The following C8orf74 variants were observed in gnomAD, a reference collection of about 807,000 sequenced individuals.
C8orf74 encodes chromosome 8 open reading frame 74.
Under a neutral mutation model 22.2 loss-of-function variants are expected in C8orf74, and 29 were observed. That is an observed-to-expected ratio of 1.31 (90% CI 0.97 to 1.78). C8orf74 has a LOEUF of 1.78. Among genes scored for constraint, C8orf74 ranks in the 40% most tolerant of loss-of-function variants. C8orf74 has a pLI of 0.00. For missense variants in C8orf74, 515 were observed against 369.9 expected (o/e 1.39, Z -3.22); for synonymous variants, 255 against 163.1 (o/e 1.56, Z -4.30).
intron 2 of C8orf74, chr8:10,675,842 C>A (rs1799021333): frequency 6.6e-6 from 1 of 152,226 alleles, no homozygotes; most frequent in South Asian, 2.1e-4. Flanking sequence ...CCAGCAAAGA[C>A]TGATAAACCT....
intron 3 of C8orf74, among the ~76,000 whole-genome samples, chr8:10,699,962 C>A (rs1316188038): frequency 6.6e-6 from 1 of 152,230 alleles, no homozygotes; most frequent in Admixed American, 6.5e-5. Context: ...TAGGCAAGGG[C>A]TGAGGGACAG....
chr8:10,694,098 G>C (rs1216261369), intron 2 of C8orf74, among the ~76,000 whole-genome samples: 2 of 152,154 alleles, frequency 1.3e-5, no homozygotes, highest in African/African-American at 2.4e-5. Context: ...TTCTCTAAGA[G>C]GACCCGGTCC....
Position 10,697,853 on chromosome 8 carries a change from C to G in C8orf74, c.496C>G (p.Gln166Glu). ...GMDRDLWIHE[Q>E]QVATLTEAEA... ...GGACAGGGACTTGTGGATCCACGAG[C>G]AGCAGGTGGCCACACTGACGGAGGC... Residue 166 changes from glutamine (Q) to glutamate (E), a missense_variant, in exon 3 of 4, where the codon CAG (glutamine) becomes GAG (glutamate). Physicochemically the swap from Gln to Glu is conservative, Grantham distance 29 (BLOSUM62 2). Coordinates refer to ENST00000304519, the MANE Select transcript of C8orf74 (RefSeq NM_001040032.2). 6.2e-7 allele frequency: 1 copy of G among 1,613,564 alleles called. No individual in the cohort carries two copies. Among genetic ancestry groups the G allele is most frequent in the Non-Finnish European group, 8.5e-7 (1 of 1,179,686 alleles).
chr8:10,693,880 C>A (rs1799435266), intron 2 of C8orf74, among the ~76,000 whole-genome samples: 1 of 152,240 alleles, frequency 6.6e-6, no homozygotes. Flanking sequence ...CCATCCAAGG[C>A]CCTTGGGTCT....
intron 3 of C8orf74, 27 bp downstream of exon 3, chr8:10,698,032 T>G (rs1586055409): frequency 6.9e-7 from 1 of 1,444,324 alleles, no homozygotes; most frequent in Non-Finnish European, 9.1e-7. Flanking sequence ...CTGCCGTGGG[T>G]GGGCACCTGG....
Position 10,674,687 on chromosome 8 carries a change from G to C in C8orf74, c.90G>C (p.Trp30Cys). The change falls in exon 2 of 4, where the codon TGG becomes TGC. Residue 30 changes from tryptophan to cysteine, a missense_variant. Trp to Cys is a radical substitution (Grantham distance 215, BLOSUM62 -2). Coordinates refer to ENST00000304519, the MANE Select transcript of C8orf74 (RefSeq NM_001040032.2). ...AGCGCCTGCGGAGGCTTCTGAACTG[G>C]GAGGAGTTTGACGAACAGAGAGACT... ...GRERLRRLLN[W>C]EEFDEQRDSR... The C allele has an allele frequency of 6.2e-7, 1 of 1,610,452 alleles. No individual in the cohort carries two copies. The highest frequency in any genetic ancestry group is 8.5e-7 in the Non-Finnish European group (1 of 1,178,438).
intron 2 of C8orf74, among the ~76,000 whole-genome samples, chr8:10,696,636 CG>C (rs1409008537): frequency 2.0e-5 from 3 of 151,684 alleles, no homozygotes; most frequent in African/African-American, 7.3e-5. Flanking sequence ...CTAGTAGAGA[CG>C]GGGTTTTGCC....
In C8orf74 at chr8:10,672,641, C is replaced by T. The variant is rs1372478915; in HGVS notation, c.-25C>T. On this transcript the variant is annotated 5_prime_UTR_variant, in exon 1 of 4. Transcript: ENST00000304519. The stretch of plus-strand genomic sequence containing the variant: ...AAACTCTGAGTCAGTCTGGCTCCGT[C>T]TCCTGGCAACCAGATGCAGGGGCCA... The T allele has an allele frequency of 3.8e-6, 6 of 1,558,658 alleles. No homozygotes were observed. In the African/African-American group the frequency reaches 8.2e-5, roughly 21 times the overall value.
At chr8:10,673,690 A>C (rs1798963980) in intron 1 of C8orf74, 1 of 153,952 alleles carries the variant, frequency 6.5e-6, no homozygotes, top group Non-Finnish European at 1.5e-5. Context: ...AAAGTCCTAG[A>C]AGAAGAGCAA....
chr8:10,683,987 C>T (rs1799209187), intron 2 of C8orf74, among the ~76,000 whole-genome samples: 1 of 152,190 alleles, frequency 6.6e-6, no homozygotes, highest in African/African-American at 2.4e-5. Context: ...TCCCTGCGTG[C>T]TAAGGAGCCG....
At chr8:10,698,589 G>C (rs1307642325) in intron 3 of C8orf74, among the ~76,000 whole-genome samples, 1 of 152,112 alleles carries the variant, frequency 6.6e-6, no homozygotes, top group Admixed American at 6.6e-5. Flanking sequence ...CTAGCTGCCA[G>C]CATTTCCCAT....
At position 10,674,703 on chromosome 8, in the gene C8orf74, CAG is replaced by C. The variant is rs777483309; in HGVS notation, c.112_113del (p.Asp38LeufsTer48). ...RLLNWEEFDE[Q>X]RDSRRSILLD... ...TCTGAACTGGGAGGAGTTTGACGAA[CAG>C]AGAGACTCCCGGAGGAGCATCCTGC... On this transcript the variant is annotated frameshift_variant, in exon 2 of 4. Transcript: ENST00000304519. LOFTEE classifies it high-confidence loss of function. 12 of 1,609,558 alleles carry C rather than the reference CAG, an allele frequency of 7.5e-6. No homozygotes were observed. Among genetic ancestry groups the C allele is most frequent in the Middle Eastern group, 1.6e-4 (1 of 6,076 alleles).
intron 2 of C8orf74, among the ~76,000 whole-genome samples, chr8:10,694,696 C>T (rs1338895263): frequency 2.0e-5 from 3 of 152,200 alleles, no homozygotes; most frequent in Non-Finnish European, 4.4e-5. Flanking sequence ...ACTCAACTTT[C>T]AGCTTAATTT....
At chr8:10,687,082 T>A (rs1563159887) in intron 2 of C8orf74, 1 of 456,136 alleles carries the variant, frequency 2.2e-6, no homozygotes, top group Non-Finnish European at 4.4e-6. Flanking sequence ...CAAACCAGGT[T>A]CAGTCCAGGA....
At position 10,674,736 on chromosome 8, in the gene C8orf74, A is replaced by C. The variant is rs760505656; in HGVS notation, c.139A>C (p.Thr47Pro). Residue 47 changes from threonine (T) to proline (P), a missense_variant, in exon 2 of 4, where the codon ACC (threonine) becomes CCC (proline). By Grantham distance (38) the Thr-to-Pro change is conservative. Coordinates refer to ENST00000304519, the MANE Select transcript of C8orf74 (RefSeq NM_001040032.2). ...RDSRRSILLD[T>P]LYESIIFAVG... ...CTCCCGGAGGAGCATCCTGCTGGAC[A>C]CCCTCTACGAGAGCATCATCTTTGC... is the stretch of plus-strand genomic sequence containing the variant. 6.2e-7 allele frequency: 1 copy of C among 1,607,256 alleles called. No individual in the cohort carries two copies. The highest frequency in any genetic ancestry group is 8.5e-7 in the Non-Finnish European group (1 of 1,176,908).
rs1798939892 is a variant in C8orf74 at position 10,672,664 on chromosome 8, C to T, written c.-2C>T. On this transcript the variant is annotated 5_prime_UTR_variant, in exon 1 of 4. Coordinates refer to ENST00000304519, the MANE Select transcript of C8orf74 (RefSeq NM_001040032.2). ...GTCTCCTGGCAACCAGATGCAGGGG[C>T]CATGGCACTCTTAACACCCCAGGGA... is the stretch of plus-strand genomic sequence containing the variant. 1.3e-6 allele frequency: 2 copies of T among 1,563,864 alleles called. No individual in the cohort carries two copies. Among genetic ancestry groups the T allele is most frequent in the Admixed American group, 3.8e-5 (2 of 52,768 alleles).
rs893994779 is a variant in C8orf74, at chr8:10,674,810, C to T, written c.213C>T (p.Phe71=). ...PWVEVAQVVK[F]TEELLRETKG... is the part of the protein sequence containing the mutation. The stretch of plus-strand genomic sequence containing the variant: ...TGGAGGTGGCCCAGGTGGTCAAGTT[C>T]ACAGAAGAGCTGCTAAGGGAAACCA... The change falls in exon 2 of 4, where the codon TTC becomes TTT. Residue 71 remains phenylalanine, a synonymous_variant. Coordinates refer to ENST00000304519, the MANE Select transcript of C8orf74 (RefSeq NM_001040032.2). 23 of 1,604,200 alleles carry T rather than the reference C, an allele frequency of 1.4e-5. No individual in the cohort carries two copies. In the African/African-American group the frequency reaches 2.8e-4, roughly 20 times the overall value.
intron 2 of C8orf74, chr8:10,688,631 C>A (rs1310198184): frequency 6.6e-6 from 1 of 152,268 alleles, no homozygotes; most frequent in African/African-American, 2.4e-5. Context: ...TCCTTGGTGC[C>A]CAAGTCACAG....
chr8:10,684,613 C>T (rs1799222177), intron 2 of C8orf74, among the ~76,000 whole-genome samples: 1 of 152,212 alleles, frequency 6.6e-6, no homozygotes, highest in Admixed American at 6.5e-5. Context: ...TATTTCAAAA[C>T]CCCAAGGGGT....
Sources: gnomAD v4.1 joint callset for allele counts (sites outside exome capture counted in the v4.1 genomes callset) on GRCh38, gnomAD v4.1.1 for gene constraint, MANE v1.5 for transcripts, NCBI Gene and HGNC (gene_info 2026-07-23, HGNC 2026-07-21) for gene names.